Variants in LMX1A observed in about 807,000 individuals in gnomAD.
LMX1A encodes LIM homeobox transcription factor 1-alpha.
LMX1A carries 15 observed loss-of-function variants against 49.1 expected under a neutral mutation model. That is an observed-to-expected ratio of 0.31 (90% CI 0.20 to 0.47). LMX1A has a LOEUF of 0.47. Ranked by LOEUF, LMX1A falls within the 20% of genes least tolerant of loss-of-function variation. LMX1A has a pLI of 1.00. For synonymous variants in LMX1A, 167 were observed against 185.7 expected (o/e 0.90, Z 0.82); for missense variants, 372 against 475.8 (o/e 0.78, Z 2.03).
At chr1:165,271,257 T>C (rs1653784313) in intron 3 of LMX1A, among the ~76,000 whole-genome samples, 1 of 152,178 alleles carries the variant, frequency 6.6e-6, no homozygotes, top group South Asian at 2.1e-4. Context: ...CCTTCATACT[T>C]TGGACCCTGT....
rs147534852 is a variant in LMX1A, at chr1:165,320,405, C to T, written c.263+32671G>A. Among the ~76,000 whole-genome samples the T allele has an allele frequency of 1.2e-4, 19 of 152,290 alleles. No homozygotes were observed. In the East Asian group the frequency reaches 2.5e-3, roughly 20 times the overall value. Reference sequence around the variant, plus strand: ...ACTAAGCACAAATTAAATGTAGAGACTGAAATGTGTTTTTCCCCTAAAAAT... The same window carrying T: ...ACTAAGCACAAATTAAATGTAGAGATTGAAATGTGTTTTTCCCCTAAAAAT... On this transcript the variant is annotated intron_variant, in intron 3 of 8. Transcript: ENST00000342310.
chr1:165,275,167 C>G (rs1474604511), intron 3 of LMX1A, among the ~76,000 whole-genome samples: 3 of 152,182 alleles, frequency 2.0e-5, no homozygotes, highest in Non-Finnish European at 4.4e-5. Context: ...AGACTGACAT[C>G]TGAAATTGCC....
chr1:165,297,055 G>A (rs1453572952), intron 3 of LMX1A, among the ~76,000 whole-genome samples: 1 of 152,196 alleles, frequency 6.6e-6, no homozygotes, highest in Admixed American at 6.5e-5. Context: ...CCAGCAGACC[G>A]TGAAGGAAGT....
chr1:165,289,757 G>T (rs1654407982), intron 3 of LMX1A, among the ~76,000 whole-genome samples: 1 of 152,222 alleles, frequency 6.6e-6, no homozygotes. Context: ...TCTGGGAAAT[G>T]ATGGCACCCA....
At chr1:165,341,791 C>A (rs1484944244) in intron 3 of LMX1A, among the ~76,000 whole-genome samples, 1 of 152,080 alleles carries the variant, frequency 6.6e-6, no homozygotes, top group African/African-American at 2.4e-5. Flanking sequence ...ACCTTTAGTA[C>A]ATGAGTGATT....
At position 165,257,773 on chromosome 1, in the gene LMX1A, C is replaced by G. The variant is rs1653300293; in HGVS notation, c.264-8133G>C. Among the ~76,000 whole-genome samples, 3 of 152,184 alleles carry G rather than the reference C, an allele frequency of 2.0e-5. No individual in the cohort carries two copies. In the South Asian group the frequency reaches 6.2e-4, roughly 32 times the overall value. On this transcript the variant is annotated intron_variant, in intron 3 of 8. Coordinates refer to ENST00000342310, the MANE Select transcript of LMX1A (RefSeq NM_177398.4). The stretch of plus-strand genomic sequence containing the variant: ...AGAGAGAGGCTAAGATCTTCATCAA[C>G]CTCATCCCAAAGTCCTGCAGACCTT...
At chr1:165,304,178 G>T (rs556368301) in intron 3 of LMX1A, among the ~76,000 whole-genome samples, 1 of 152,064 alleles carries the variant, frequency 6.6e-6, no homozygotes, top group South Asian at 2.1e-4. Flanking sequence ...TCCAGGCCTC[G>T]GTTTCCTCAT....
At chr1:165,298,903 T>C (rs1335003203) in intron 3 of LMX1A, among the ~76,000 whole-genome samples, 1 of 152,252 alleles carries the variant, frequency 6.6e-6, no homozygotes, top group Non-Finnish European at 1.5e-5. Context: ...CTATATGAAG[T>C]GTCTGCATGT....
intron 3 of LMX1A, among the ~76,000 whole-genome samples, chr1:165,276,889 G>T (rs1208216154): frequency 6.6e-6 from 1 of 152,210 alleles, no homozygotes. Flanking sequence ...TTACAGGAGG[G>T]GAAACAGGGC....
intron 3 of LMX1A, among the ~76,000 whole-genome samples, chr1:165,297,556 G>C (rs1654650829): frequency 6.6e-6 from 1 of 152,174 alleles, no homozygotes; most frequent in African/African-American, 2.4e-5. Flanking sequence ...GCAAGCAAAG[G>C]TCTTATATGG....
chr1:165,308,598 C>T (rs186935324), intron 3 of LMX1A, among the ~76,000 whole-genome samples: 1 of 152,168 alleles, frequency 6.6e-6, no homozygotes, highest in South Asian at 2.1e-4. Flanking sequence ...TCATTTAGTC[C>T]TCACAACGAT....
At chr1:165,259,495 T>A (rs573781982) in intron 3 of LMX1A, among the ~76,000 whole-genome samples, 1 of 152,320 alleles carries the variant, frequency 6.6e-6, no homozygotes, top group Admixed American at 6.5e-5. Flanking sequence ...TCATTTTGGT[T>A]CTCATATGAC....
At chr1:165,220,527 A>G (rs1319723348) in intron 4 of LMX1A, among the ~76,000 whole-genome samples, 2 of 152,216 alleles carry the variant, frequency 1.3e-5, no homozygotes, top group Non-Finnish European at 2.9e-5. Context: ...AGGAATAAAC[A>G]TAGCCTCAAA....
At position 165,213,634 on chromosome 1, in the gene LMX1A, C is replaced by T. The variant is rs1386211545; in HGVS notation, c.669+7G>A. ...CAGCTCCTTTTCCTCCCTGCTCCCT[C>T]CTATACCTTCCTGCAGGGCTTGGAG... On this transcript the variant is annotated splice_region_variant and intron_variant, in intron 5 of 8. Transcript: ENST00000342310. 6.2e-7 allele frequency: 1 copy of T among 1,613,250 alleles called. No homozygotes were observed. The highest frequency in any genetic ancestry group is 1.7e-5 in the Admixed American group (1 of 59,974).
intron 3 of LMX1A, among the ~76,000 whole-genome samples, chr1:165,254,306 T>G (rs1391938830): frequency 6.6e-6 from 1 of 152,114 alleles, no homozygotes; most frequent in Admixed American, 6.5e-5. Flanking sequence ...AAGCCCACCA[T>G]GTTGACTCAG....
At chr1:165,351,607 G>C (rs1656430092) in intron 3 of LMX1A, among the ~76,000 whole-genome samples, 1 of 152,034 alleles carries the variant, frequency 6.6e-6, no homozygotes, top group Non-Finnish European at 1.5e-5. Context: ...GTTTCTTTTA[G>C]TTCTGAAAAA....
At position 165,203,544 on chromosome 1, in the gene LMX1A, G is replaced by A; in HGVS notation, c.*336C>T. 1 of 192,558 alleles carries A rather than the reference G, an allele frequency of 5.2e-6. No individual in the cohort carries two copies. Among genetic ancestry groups the A allele is most frequent in the Non-Finnish European group, 1.1e-5 (1 of 91,806 alleles). The allele number at this position is 192,558 out of a possible 1,614,324, so 11.9% of individuals were successfully genotyped here. A position where few individuals can be genotyped will look rare whatever the true frequency, so the allele number is the denominator to read the frequency against. The stretch of plus-strand genomic sequence containing the variant: ...AGATGGATAGACATATGCACCTCTT[G>A]ACAAGAGCTTCCCCGACATGGTGGG... On this transcript the variant is annotated 3_prime_UTR_variant, in exon 9 of 9. Coordinates refer to ENST00000342310, the MANE Select transcript of LMX1A (RefSeq NM_177398.4).
chr1:165,259,104 AC>A (rs1175291630), intron 3 of LMX1A, among the ~76,000 whole-genome samples: 7 of 152,354 alleles, frequency 4.6e-5, no homozygotes, highest in African/African-American at 1.7e-4. Context: ...TTATTTCAAG[AC>A]AGCCAACTGA....
chr1:165,352,975 T>C (rs897324257), intron 3 of LMX1A, 101 bp downstream of exon 3: 1 of 1,230,402 alleles, frequency 8.1e-7, no homozygotes, highest in South Asian at 1.3e-5. Flanking sequence ...TGGGCGTGTC[T>C]CTTGGGCCTT....
Sources: allele counts gnomAD v4.1 joint callset (sites outside exome capture counted in the v4.1 genomes callset), GRCh38; gene constraint gnomAD v4.1.1; transcripts MANE v1.5; gene names NCBI Gene and HGNC (gene_info 2026-07-23, HGNC 2026-07-21).